The following PAN3 variants were observed in gnomAD, a reference collection of about 807,000 sequenced individuals.
PAN3 encodes PAN2-PAN3 deadenylation complex subunit PAN3.
In PAN3, 19 loss-of-function variants were observed where a neutral mutation model predicts 96.2. The ratio of observed to expected loss-of-function variants is 0.20; its 90% CI spans 0.14 to 0.29. The LOEUF is 0.29. Among genes scored for constraint, PAN3 ranks in the 10% least tolerant of loss-of-function variants. The pLI is 1.00. For synonymous variants in PAN3, 433 were observed against 406.6 expected (o/e 1.06, Z -0.78); for missense variants, 882 against 1,108.1 (o/e 0.80, Z 2.90).
At chr13:28,205,113 G>A (rs1297870165) in intron 5 of PAN3, among the ~76,000 whole-genome samples, 1 of 151,204 alleles carries the variant, frequency 6.6e-6, no homozygotes, top group Non-Finnish European at 1.5e-5. Flanking sequence ...GGGGGCGGTG[G>A]GTGGTTGGAA....
chr13:28,273,311 G>A (rs765397105), intron 14 of PAN3, among the ~76,000 whole-genome samples: 5 of 152,078 alleles, frequency 3.3e-5, no homozygotes, highest in Non-Finnish European at 7.4e-5. Flanking sequence ...ATTAAGAACA[G>A]TTGCTTTAGG....
At chr13:28,260,412 G>C (rs761509422) in intron 7 of PAN3, 35 bp from the exon 8 acceptor site, 2 of 1,486,010 alleles carry the variant, frequency 1.3e-6, no homozygotes, top group Non-Finnish European at 1.9e-6. Flanking sequence ...AAAGAAAAAT[G>C]AGTGATTACA....
intron 6 of PAN3, among the ~76,000 whole-genome samples, chr13:28,232,085 A>G (rs1040657815): frequency 6.6e-6 from 1 of 152,190 alleles, no homozygotes; most frequent in African/African-American, 2.4e-5. Context: ...CCAAAAGTGA[A>G]AACCAGTTCT....
At chr13:28,289,363 C>T (rs1869410849) in intron 18 of PAN3, among the ~76,000 whole-genome samples, 3 of 152,012 alleles carry the variant, frequency 2.0e-5, no homozygotes, top group Admixed American at 1.3e-4. Flanking sequence ...GCCTTGACTC[C>T]CCAGGGCTGC....
At chr13:28,279,336 A>C (rs928016258) in intron 15 of PAN3, among the ~76,000 whole-genome samples, 1 of 152,230 alleles carries the variant, frequency 6.6e-6, no homozygotes, top group Non-Finnish European at 1.5e-5. Context: ...CTTCTTAAAA[A>C]GGCTCATTCA....
intron 1 of PAN3, among the ~76,000 whole-genome samples, chr13:28,141,379 C>A (rs35486680): frequency 6.7e-6 from 1 of 150,372 alleles, no homozygotes; most frequent in Admixed American, 6.6e-5. Flanking sequence ...TTAAAAAAAA[C>A]TTTTAAAGTT....
At chr13:28,272,756 A>G (rs1285001534) in intron 14 of PAN3, among the ~76,000 whole-genome samples, 1 of 152,050 alleles carries the variant, frequency 6.6e-6, no homozygotes, top group Admixed American at 6.6e-5. Flanking sequence ...TTTAGTAAAG[A>G]CAGGGTTTCT....
At chr13:28,250,155 T>G (rs982366614) in intron 6 of PAN3, among the ~76,000 whole-genome samples, 3 of 152,140 alleles carry the variant, frequency 2.0e-5, no homozygotes, top group Non-Finnish European at 4.4e-5. Flanking sequence ...TTTCGCATGC[T>G]GCATTTTTGC....
chr13:28,170,862 T>C (rs1874217595), intron 1 of PAN3, among the ~76,000 whole-genome samples: 1 of 152,148 alleles, frequency 6.6e-6, no homozygotes. Flanking sequence ...AATGGTGCGA[T>C]CTTGGCTCAC....
chr13:28,268,737 G>A (rs1202606958), intron 12 of PAN3, among the ~76,000 whole-genome samples: 1 of 152,024 alleles, frequency 6.6e-6, no homozygotes, highest in Non-Finnish European at 1.5e-5. Flanking sequence ...CCATATTCTA[G>A]TATCTTTCAG....
intron 4 of PAN3, among the ~76,000 whole-genome samples, chr13:28,196,298 C>T (rs1878047413): frequency 6.6e-6 from 1 of 151,940 alleles, no homozygotes; most frequent in Non-Finnish European, 1.5e-5. Flanking sequence ...TTAGTGTTTT[C>T]TGAAGGGAAA....
chr13:28,287,713 C>T (rs1217974365), intron 17 of PAN3, among the ~76,000 whole-genome samples: 1 of 152,130 alleles, frequency 6.6e-6, no homozygotes. Flanking sequence ...TTACCTTTTC[C>T]ATTTTATCTA....
chr13:28,251,482 G>A (rs548637976), intron 6 of PAN3, among the ~76,000 whole-genome samples: 1 of 151,932 alleles, frequency 6.6e-6, no homozygotes, highest in Admixed American at 6.6e-5. Context: ...ATTTCTTGTC[G>A]GGATTCCTGT....
chr13:28,144,951 C>G (rs1870429957), intron 1 of PAN3, among the ~76,000 whole-genome samples: 1 of 151,716 alleles, frequency 6.6e-6, no homozygotes. Flanking sequence ...AACTCCTGAC[C>G]TCGTGATCCA....
At chr13:28,206,615 C>T (rs1250366797) in intron 5 of PAN3, among the ~76,000 whole-genome samples, 15 of 152,256 alleles carry the variant, frequency 9.9e-5, no homozygotes, top group East Asian at 1.9e-4. Flanking sequence ...AGCCACCACA[C>T]GCGGCCCCTA....
intron 4 of PAN3, among the ~76,000 whole-genome samples, chr13:28,194,811 A>G (rs1877815161): frequency 6.6e-6 from 1 of 152,078 alleles, no homozygotes; most frequent in South Asian, 2.1e-4. Flanking sequence ...TTAGGGTTAT[A>G]TTACTGTATG....
chr13:28,177,667 CT>C (rs1227231846), intron 3 of PAN3, among the ~76,000 whole-genome samples, 197 bp from the exon 4 acceptor site: 3 of 152,064 alleles, frequency 2.0e-5, no homozygotes, highest in African/African-American at 7.2e-5. Context: ...ATCCATATAG[CT>C]TTTGAATATT....
At chr13:28,164,662 A>C (rs902211298) in intron 1 of PAN3, among the ~76,000 whole-genome samples, 2 of 152,244 alleles carry the variant, frequency 1.3e-5, no homozygotes, top group African/African-American at 4.8e-5. Context: ...GAAGTTGTAC[A>C]GTAAAGAAAT....
Position 28,260,465 on chromosome 13 carries a change from A to G in PAN3, c.1267A>G (p.Ile423Val). The G allele has an allele frequency of 6.2e-7, 1 of 1,612,540 alleles. No individual in the cohort carries two copies. Among genetic ancestry groups the G allele is most frequent in the East Asian group, 2.2e-5 (1 of 44,844 alleles). Residue 423 changes from isoleucine (I) to valine (V), a missense_variant, in exon 8 of 19, where the codon ATT becomes GTT. By Grantham distance (29) the Ile-to-Val change is conservative (BLOSUM62 3). This residue lies in a region of PAN3 where 364 missense variants were observed against 513.6 expected (regional missense o/e 0.71). Coordinates refer to ENST00000380958, the MANE Select transcript of PAN3 (RefSeq NM_175854.8). Reference protein sequence around the residue: ...LTGMVFPNYHIYPPTAPHVAY... With the variant: ...LTGMVFPNYHVYPPTAPHVAY... ...TTTTTAGGTGTTTCCAAACTATCAT[A>G]TTTATCCTCCAACTGCACCTCACGT...
Sources: gnomAD v4.1 joint callset for allele counts (sites outside exome capture counted in the v4.1 genomes callset) on GRCh38, gnomAD v4.1.1 for gene constraint, gnomAD v4.1.1 regional missense constraint, MANE v1.5 for transcripts, NCBI Gene and HGNC (gene_info 2026-07-23, HGNC 2026-07-21) for gene names.